The following G3BP2 variants were observed in gnomAD, a reference collection of about 807,000 sequenced individuals.
G3BP2 encodes the protein ras GTPase-activating protein-binding protein 2.
G3BP2 carries 11 observed loss-of-function variants against 56.7 expected under a neutral mutation model. That is an observed-to-expected ratio of 0.19 (90% CI 0.12 to 0.32). The LOEUF (loss-of-function observed/expected upper bound fraction) is 0.32. G3BP2 is among the 10% of genes least tolerant of loss of function. The pLI, the probability that G3BP2 is intolerant of heterozygous loss-of-function variation, is 1.00. For missense variants in G3BP2, 340 were observed against 610.9 expected (o/e 0.56, Z 4.67); for synonymous variants, 165 against 191.6 (o/e 0.86, Z 1.15).
intron 3 of G3BP2, among the ~76,000 whole-genome samples, chr4:75,703,851 TTTC>T (rs1719439082): frequency 6.6e-6 from 1 of 152,212 alleles, no homozygotes; most frequent in South Asian, 2.1e-4. Flanking sequence ...GTCATTTCAT[TTTC>T]TTATTATTAG....
At chr4:75,720,796 A>AAAATAAATAAAT (rs150099549) in intron 3 of G3BP2, among the ~76,000 whole-genome samples, 1,786 of 132,064 alleles carry the variant, frequency 0.014, 8 homozygotes, top group East Asian at 0.037. Flanking sequence ...GCTCCATCTC[A>AAAATAAATAAAT]AAATAAATAA....
At chr4:75,704,214 TCA>T (rs1454624740) in intron 3 of G3BP2, among the ~76,000 whole-genome samples, 1 of 151,368 alleles carries the variant, frequency 6.6e-6, no homozygotes, top group African/African-American at 2.4e-5. Flanking sequence ...AGATGGGGTT[TCA>T]CCATGTTGGC....
intron 3 of G3BP2, among the ~76,000 whole-genome samples, chr4:75,684,273 CATG>C (rs890791652): frequency 6.6e-6 from 1 of 151,954 alleles, no homozygotes; most frequent in African/African-American, 2.4e-5. Context: ...GGCATGGTGG[CATG>C]TGCCTGTAGT....
chr4:75,709,481 A>G (rs1020604223), intron 3 of G3BP2, among the ~76,000 whole-genome samples: 67 of 149,712 alleles, frequency 4.5e-4, no homozygotes, highest in Non-Finnish European at 4.6e-4. Flanking sequence ...GTGTAGTAGC[A>G]CATGCCTATA....
intron 2 of G3BP2, among the ~76,000 whole-genome samples, chr4:75,661,273 C>T (rs914783675): frequency 1.3e-5 from 2 of 152,018 alleles, no homozygotes; most frequent in Non-Finnish European, 2.9e-5. Context: ...CAACTACAGG[C>T]GCCTGCCACA....
intron 3 of G3BP2, among the ~76,000 whole-genome samples, chr4:75,691,786 C>T (rs1315172257): frequency 1.3e-5 from 2 of 152,132 alleles, no homozygotes; most frequent in South Asian, 4.1e-4. Flanking sequence ...TATAGGTATA[C>T]AAATTTTTTT....
At chr4:75,656,527 T>C (rs1732131227) in intron 5 of G3BP2, among the ~76,000 whole-genome samples, 1 of 152,098 alleles carries the variant, frequency 6.6e-6, no homozygotes, top group South Asian at 2.1e-4. Context: ...GGAAGATCAA[T>C]TAAATAATTA....
intron 3 of G3BP2, among the ~76,000 whole-genome samples, chr4:75,709,419 C>CAAAAAA (rs34603185): frequency 1.1e-4 from 5 of 47,388 alleles, no homozygotes; most frequent in Admixed American, 7.6e-4. Flanking sequence ...GACTCCGTCT[C>CAAAAAA]AAAAAAAAAA....
At chr4:75,687,584 G>A (rs952009560) in intron 3 of G3BP2, among the ~76,000 whole-genome samples, 4 of 152,196 alleles carry the variant, frequency 2.6e-5, no homozygotes, top group South Asian at 2.1e-4. Flanking sequence ...TAAAACTGAC[G>A]AATGATTTGT....
chr4:75,666,555 T>G (rs1441261918), intron 1 of G3BP2, among the ~76,000 whole-genome samples: 1 of 152,134 alleles, frequency 6.6e-6, no homozygotes, highest in Admixed American at 6.6e-5. Flanking sequence ...TTGATAGAAA[T>G]CAACCAGAAA....
At chr4:75,686,195 A>G (rs1718592046) in intron 3 of G3BP2, among the ~76,000 whole-genome samples, 1 of 152,236 alleles carries the variant, frequency 6.6e-6, no homozygotes, top group South Asian at 2.1e-4. Flanking sequence ...TTTTCCATTA[A>G]GGATTATTTA....
rs1289993439 is a variant in G3BP2, at chr4:75,720,835, AT to A, written c.-25+41del. On this transcript the variant is annotated intron_variant, in intron 3 of 3. Transcript: ENST00000499709. Reference sequence around the variant, plus strand: ...AATAAATAAATAAATAAATAAATAAATAAATAAAAATATTTTGAAGCCTGGG... The same window carrying A: ...AATAAATAAATAAATAAATAAATAAAAAATAAAAATATTTTGAAGCCTGGG... Among the ~76,000 whole-genome samples the A allele has an allele frequency of 4.0e-3, 591 of 149,440 alleles. 4 individuals carry two copies. Among genetic ancestry groups the A allele is most frequent in the Non-Finnish European group, 4.8e-3 (322 of 67,350 alleles).
chr4:75,719,948 TTTTG>T (rs1342910656), intron 3 of G3BP2, among the ~76,000 whole-genome samples: 6 of 151,374 alleles, frequency 4.0e-5, no homozygotes, highest in Non-Finnish European at 7.4e-5. Flanking sequence ...CTCTGAATCT[TTTTG>T]TTCAAGCGAA....
At chr4:75,707,097 C>T (rs1719574493) in intron 3 of G3BP2, among the ~76,000 whole-genome samples, 1 of 146,498 alleles carries the variant, frequency 6.8e-6, no homozygotes, top group African/African-American at 2.5e-5. Context: ...GAGGCTGGGG[C>T]AGGGAGGTGG....
At chr4:75,649,199 G>A (rs1490377150) in intron 8 of G3BP2, 4 of 152,964 alleles carry the variant, frequency 2.6e-5, no homozygotes, top group Non-Finnish European at 5.8e-5. Flanking sequence ...CAGTAGTATT[G>A]CCTAAATCTC....
intron 3 of G3BP2, among the ~76,000 whole-genome samples, chr4:75,717,837 A>T (rs1719987367): frequency 6.6e-6 from 1 of 152,032 alleles, no homozygotes; most frequent in African/African-American, 2.4e-5. Flanking sequence ...CCCTCGATAA[A>T]CAGTTTTATA....
At chr4:75,679,927 C>T (rs578003130) in intron 3 of G3BP2, among the ~76,000 whole-genome samples, 1 of 152,288 alleles carries the variant, frequency 6.6e-6, no homozygotes, top group South Asian at 2.1e-4. Context: ...GAGGCATTTG[C>T]CCTGAATCCA....
At position 75,655,926 on chromosome 4, in the gene G3BP2, GACAT is replaced by G. The variant is rs1732066423; in HGVS notation, c.443-60_443-57del. 4 of 919,880 alleles carry G rather than the reference GACAT, an allele frequency of 4.3e-6. No individual in the cohort carries two copies. In the South Asian group the frequency reaches 5.4e-5, roughly 12 times the overall value. 57.0% of individuals were successfully genotyped at this position (919,880 alleles called of 1,614,324 possible). A position where few individuals can be genotyped will look rare whatever the true frequency, so the allele number is the denominator to read the frequency against. On this transcript the variant is annotated intron_variant, in intron 5 of 11. Coordinates refer to ENST00000359707, the MANE Select transcript of G3BP2 (RefSeq NM_203505.3). ...TAAAGAGGCTTCACAATTTCTAACGGACATATTTTTAACATGTTTAAGGAAGTGG... is the reference window on the plus strand; with the variant it reads ...TAAAGAGGCTTCACAATTTCTAACGGATTTTTAACATGTTTAAGGAAGTGG...
intron 8 of G3BP2, among the ~76,000 whole-genome samples, chr4:75,651,928 T>C (rs957600477): frequency 1.3e-5 from 2 of 152,234 alleles, no homozygotes; most frequent in African/African-American, 2.4e-5. Context: ...TGCCTACCAA[T>C]ACCCTGGAAT....
Sources: allele counts gnomAD v4.1 joint callset (sites outside exome capture counted in the v4.1 genomes callset), GRCh38; gene constraint gnomAD v4.1.1; transcripts MANE v1.5; gene names NCBI Gene and HGNC (gene_info 2026-07-23, HGNC 2026-07-21).